The following ATE1 variants were observed in gnomAD, a reference collection of about 807,000 sequenced individuals.
ATE1 encodes arginyltransferase 1, also known as arginyl-tRNA--protein transferase 1.
ATE1 carries 36 observed loss-of-function variants against 70.5 expected under a neutral mutation model. The observed-to-expected ratio is 0.51, with a 90% CI of 0.39 to 0.67. The LOEUF (loss-of-function observed/expected upper bound fraction) is 0.67. Ranked by LOEUF, ATE1 falls within the 30% of genes least tolerant of loss-of-function variation. The pLI, the probability that ATE1 is intolerant of heterozygous loss-of-function variation, is 0.00. For missense variants in ATE1, 593 were observed against 629.5 expected (o/e 0.94, Z 0.62); for synonymous variants, 232 against 219.3 (o/e 1.06, Z -0.51).
At chr10:121,836,474 A>G (rs1027797984) in intron 10 of ATE1, among the ~76,000 whole-genome samples, 2 of 152,194 alleles carry the variant, frequency 1.3e-5, no homozygotes, top group East Asian at 3.9e-4. Context: ...GAGAGTCATA[A>G]AACTTTTTTT....
intron 9 of ATE1, among the ~76,000 whole-genome samples, 182 bp from the exon 10 acceptor site, chr10:121,836,999 C>A (rs998456870): frequency 2.6e-5 from 4 of 152,104 alleles, no homozygotes; most frequent in African/African-American, 7.2e-5. Context: ...AATAATAAAA[C>A]CCTCTACATA....
intron 7 of ATE1, among the ~76,000 whole-genome samples, chr10:121,876,954 A>G (rs889510099): frequency 6.7e-6 from 1 of 149,998 alleles, no homozygotes; most frequent in Non-Finnish European, 1.5e-5. Flanking sequence ...CCACAGAGCG[A>G]CACTCCAGTC....
intron 8 of ATE1, chr10:121,846,841 G>C (rs1446649092): frequency 6.6e-6 from 1 of 152,030 alleles, no homozygotes; most frequent in Admixed American, 6.5e-5. Flanking sequence ...ATACAGCATG[G>C]CTCTTTAAAA....
intron 10 of ATE1, among the ~76,000 whole-genome samples, chr10:121,825,962 AT>A (rs1189801616): frequency 2.6e-5 from 4 of 152,238 alleles, no homozygotes; most frequent in Non-Finnish European, 5.9e-5. Flanking sequence ...AAAATGTGGT[AT>A]ATACAGTGAA....
chr10:121,836,934 T>C, intron 9 of ATE1, 117 bp from the exon 10 acceptor site: 1 of 647,448 alleles, frequency 1.5e-6, no homozygotes, highest in Non-Finnish European at 2.7e-6. Context: ...ATCAAAAAAT[T>C]ACAAATATTG....
intron 8 of ATE1, among the ~76,000 whole-genome samples, chr10:121,843,863 T>C (rs1187713962): frequency 1.3e-5 from 2 of 152,188 alleles, no homozygotes; most frequent in Non-Finnish European, 2.9e-5. Context: ...TAGGTGAACT[T>C]AGGTTTGTCA....
Position 121,836,696 on chromosome 10 carries a change from CAT to C in ATE1, c.1257+20_1257+21del. On this transcript the variant is annotated intron_variant, in intron 10 of 11. Transcript: ENST00000224652. ...TTCATTTTTCTATAATAAAAATACA[CAT>C]ATGTGAAAATCAACTTTACCTTATA... 1.5e-6 allele frequency: 2 copies of C among 1,378,272 alleles called. No individual in the cohort carries two copies. Among genetic ancestry groups the C allele is most frequent in the Non-Finnish European group, 2.0e-6 (2 of 998,826 alleles). 85.4% of individuals were successfully genotyped at this position (1,378,272 alleles called of 1,614,324 possible).
chr10:121,848,944 C>T (rs1948950440), intron 8 of ATE1, among the ~76,000 whole-genome samples: 1 of 147,742 alleles, frequency 6.8e-6, no homozygotes, highest in Non-Finnish European at 1.5e-5. Flanking sequence ...CGTAAGTATG[C>T]TCATGCCTGT....
chr10:121,848,283 C>T (rs374557500), intron 8 of ATE1, among the ~76,000 whole-genome samples: 105 of 101,178 alleles, frequency 1.0e-3, no homozygotes, highest in Non-Finnish European at 1.4e-3. Context: ...ATCTAATGTG[C>T]GTTCATTCAT....
At chr10:121,923,704 AT>A (rs1259795228) in intron 2 of ATE1, among the ~76,000 whole-genome samples, 5 of 152,220 alleles carry the variant, frequency 3.3e-5, no homozygotes, top group Non-Finnish European at 5.9e-5. Context: ...CCACATAAAA[AT>A]AACTACTCAA....
chr10:121,826,278 T>C (rs1448437817), intron 10 of ATE1, among the ~76,000 whole-genome samples: 1 of 151,884 alleles, frequency 6.6e-6, no homozygotes, highest in Non-Finnish European at 1.5e-5. Context: ...AGGGTAAACA[T>C]TATGTGTATT....
Position 121,791,055 on chromosome 10 carries a change from C to CGT in ATE1, c.1258-768_1258-767dup, listed in dbSNP as rs71189171. 8.5e-3 allele frequency among the ~76,000 whole-genome samples: 1,159 copies of CGT among 135,810 alleles called. 19 individuals carry two copies. The highest frequency in any genetic ancestry group is 0.03 in the African/African-American group (1,087 of 35,832). The allele number at this position is 135,810 out of a possible 152,430, so 89.1% of individuals were successfully genotyped here. A position where few individuals can be genotyped will look rare whatever the true frequency, so the allele number is the denominator to read the frequency against. On this transcript the variant is annotated intron_variant, in intron 10 of 11. Transcript: ENST00000224652. ...GTATATATGTGTATATATATGTATA[C>CGT]GTGTGTGTGTGTGTGTGTGTGTGTG... is the stretch of plus-strand genomic sequence containing the variant.
intron 10 of ATE1, among the ~76,000 whole-genome samples, chr10:121,800,003 C>T (rs1425492700): frequency 2.6e-5 from 4 of 152,110 alleles, no homozygotes; most frequent in Admixed American, 6.5e-5. Flanking sequence ...TCTTTGATTA[C>T]GATAGTAAAT....
intron 5 of ATE1, 62 bp from the exon 6 acceptor site, chr10:121,902,682 G>T (rs1282957133): frequency 6.8e-7 from 1 of 1,465,542 alleles, no homozygotes; most frequent in Non-Finnish European, 9.2e-7. Flanking sequence ...TTTTTCACAT[G>T]TCTCAAAGAT....
At chr10:121,830,721 A>G (rs1286276886) in intron 10 of ATE1, among the ~76,000 whole-genome samples, 1 of 152,204 alleles carries the variant, frequency 6.6e-6, no homozygotes, top group Admixed American at 6.5e-5. Flanking sequence ...TTGAAGACCC[A>G]AAAGTATTCC....
chr10:121,840,886 T>C (rs1008760349), intron 9 of ATE1, among the ~76,000 whole-genome samples, 196 bp downstream of exon 9: 2 of 151,250 alleles, frequency 1.3e-5, no homozygotes, highest in African/African-American at 2.4e-5. Context: ...ATATATTATA[T>C]AGGAGTATTT....
At chr10:121,865,449 T>A (rs948931129) in intron 8 of ATE1, among the ~76,000 whole-genome samples, 3 of 152,208 alleles carry the variant, frequency 2.0e-5, no homozygotes, top group Non-Finnish European at 4.4e-5. Context: ...CTGGCAAAGT[T>A]TGACTCAGAT....
chr10:121,758,022 C>T (rs1017153437), intron 11 of ATE1, among the ~76,000 whole-genome samples: 3 of 152,066 alleles, frequency 2.0e-5, no homozygotes, highest in Non-Finnish European at 2.9e-5. Context: ...TTACCAGTTG[C>T]ACAGTAACGG....
At chr10:121,928,080 G>T, upstream of ATE1, 2 of 1,206,612 alleles carry the variant, frequency 1.7e-6, no homozygotes, top group Non-Finnish European at 2.1e-6. Context: ...GCGCCCGCAG[G>T]CCCGGCCGGC....
Sources: gnomAD v4.1 joint callset for allele counts (sites outside exome capture counted in the v4.1 genomes callset) on GRCh38, gnomAD v4.1.1 for gene constraint, MANE v1.5 for transcripts, NCBI Gene and HGNC (gene_info 2026-07-23, HGNC 2026-07-21) for gene names.